Variants in EPHB1 observed in about 807,000 individuals in gnomAD.
EPHB1 encodes the protein ephrin type-B receptor 1.
Under a neutral mutation model 94.4 loss-of-function variants are expected in EPHB1, and 30 were observed. The observed-to-expected ratio is 0.32, with a 90% CI of 0.24 to 0.43. The LOEUF is 0.43. EPHB1 is among the 20% of genes least tolerant of loss of function. EPHB1 has a pLI of 1.00. For missense variants in EPHB1, 1,055 were observed against 1,308.3 expected (o/e 0.81, Z 2.99); for synonymous variants, 522 against 489.1 (o/e 1.07, Z -0.89).
intron 1 of EPHB1, among the ~76,000 whole-genome samples, chr3:134,914,785 A>G (rs1453834112): frequency 3.3e-5 from 5 of 152,114 alleles, no homozygotes; most frequent in African/African-American, 4.8e-5. Flanking sequence ...GGGGGCTTTT[A>G]CCACCCTTAG....
rs1279694846 is a variant in EPHB1, at chr3:135,114,652, G to A, written c.961+8049G>A. Among the ~76,000 whole-genome samples the A allele has an allele frequency of 2.0e-5, 3 of 150,810 alleles. No homozygotes were observed. The Admixed American group carries it at 2.0e-4, about 10-fold the overall frequency. Reference sequence around the variant, plus strand: ...GCAGAAGAATTGCTTGAACCTGGGAGGCAGAGGTTGCAGTGAGCCAAGATC... The same window carrying A: ...GCAGAAGAATTGCTTGAACCTGGGAAGCAGAGGTTGCAGTGAGCCAAGATC... On this transcript the variant is annotated intron_variant, in intron 4 of 15. Transcript: ENST00000398015.
chr3:135,154,166 C>T lies in EPHB1; in HGVS notation c.1312C>T (p.Pro438Ser), dbSNP rs201012406. Residue 438 changes from proline (P) to serine (S), a missense_variant, in exon 6 of 16, where the codon CCC becomes TCC. By Grantham distance (74) the Pro-to-Ser change is moderately conservative. Transcript: ENST00000398015. ...TTNQAAPSTV[P>S]IMHQVSATMR... ...TCTCTCCACAGCCCCCTCCACCGTTCCCATCATGCACCAAGTCAGTGCCAC... is the reference window on the plus strand; with the variant it reads ...TCTCTCCACAGCCCCCTCCACCGTTTCCATCATGCACCAAGTCAGTGCCAC... 2.5e-6 allele frequency: 4 copies of T among 1,613,908 alleles called. No homozygotes were observed. Among genetic ancestry groups the T allele is most frequent in the Non-Finnish European group, 3.4e-6 (4 of 1,179,880 alleles).
At chr3:135,087,745 C>T (rs1938410055) in intron 3 of EPHB1, among the ~76,000 whole-genome samples, 2 of 152,092 alleles carry the variant, frequency 1.3e-5, no homozygotes, top group South Asian at 4.1e-4. Context: ...TCTAGGGAGC[C>T]GACACCCACT....
chr3:135,018,107 C>T (rs1012299156), intron 3 of EPHB1, among the ~76,000 whole-genome samples: 11 of 151,960 alleles, frequency 7.2e-5, no homozygotes, highest in Admixed American at 3.3e-4. Context: ...AAGTCTTTGA[C>T]GTAAAGGGGA....
intron 1 of EPHB1, among the ~76,000 whole-genome samples, chr3:134,870,097 T>C (rs2037467660): frequency 6.6e-6 from 1 of 152,154 alleles, no homozygotes; most frequent in Non-Finnish European, 1.5e-5. Flanking sequence ...TGGGTTTCTT[T>C]TGGATGGCTG....
At chr3:134,831,733 G>A (rs566946969) in intron 1 of EPHB1, among the ~76,000 whole-genome samples, 1 of 152,236 alleles carries the variant, frequency 6.6e-6, no homozygotes, top group Admixed American at 6.5e-5. Context: ...GTAGCTTTTT[G>A]TCCCGTTTTA....
intron 1 of EPHB1, among the ~76,000 whole-genome samples, chr3:134,800,170 G>A (rs1251252333): frequency 6.6e-6 from 1 of 152,014 alleles, no homozygotes; most frequent in African/African-American, 2.4e-5. Flanking sequence ...AAATTACCCA[G>A]TCCACCTGGC....
chr3:134,799,465 A>G (rs2035894251), intron 1 of EPHB1, among the ~76,000 whole-genome samples: 1 of 152,248 alleles, frequency 6.6e-6, no homozygotes, highest in Non-Finnish European at 1.5e-5. Flanking sequence ...AACGATCACC[A>G]TTACTCAGTG....
chr3:134,887,563 A>T (rs1191575332), intron 1 of EPHB1, among the ~76,000 whole-genome samples: 1 of 152,234 alleles, frequency 6.6e-6, no homozygotes, highest in East Asian at 1.9e-4. Context: ...TAGAAAGAAC[A>T]GGAAGTATTT....
intron 1 of EPHB1, among the ~76,000 whole-genome samples, chr3:134,921,580 ATTCCC>A (rs1371111403): frequency 2.6e-5 from 4 of 152,230 alleles, no homozygotes; most frequent in African/African-American, 9.6e-5. Context: ...AACATGTGTT[ATTCCC>A]TTGGTCTTTA....
In EPHB1 at chr3:135,249,364, A is replaced by G. The variant is rs748918076; in HGVS notation, c.2719A>G (p.Ile907Val). Residue 907 changes from isoleucine to valine, a missense_variant, in exon 15 of 16, where the codon ATC becomes GTC. By Grantham distance (29) the Ile-to-Val change is conservative. Transcript: ENST00000398015. ...VPSQPLLDRS[I>V]PDFTAFTTVD... ...TTCCCAGCCCCTGCTCGACCGCTCC[A>G]TCCCAGACTTCACGGCCTTTACCAC... The G allele has an allele frequency of 1.2e-6, 2 of 1,613,636 alleles. No homozygotes were observed. The highest frequency in any genetic ancestry group is 1.1e-5 in the South Asian group (1 of 91,052).
Position 135,166,035 on chromosome 3 carries a change from G to C in EPHB1, c.1653G>C (p.Val551=), listed in dbSNP as rs1248954527. ...CTGGCTCGGCAGCGGCCGGGGTCGTGTTCGTTGTGTCCTTGGTGGCCATCT... is the reference window on the plus strand; with the variant it reads ...CTGGCTCGGCAGCGGCCGGGGTCGTCTTCGTTGTGTCCTTGGTGGCCATCT... ...LIAGSAAAGV[V]FVVSLVAISI... Residue 551 remains valine, a synonymous_variant, in exon 8 of 16, where the codon GTG becomes GTC. Coordinates refer to ENST00000398015, the MANE Select transcript of EPHB1 (RefSeq NM_004441.5). 1 of 1,613,952 alleles carries C rather than the reference G, an allele frequency of 6.2e-7. No homozygotes were observed. Among genetic ancestry groups the C allele is most frequent in the Admixed American group, 1.7e-5 (1 of 60,020 alleles).
chr3:135,073,671 T>C (rs146052164), intron 3 of EPHB1, among the ~76,000 whole-genome samples: 11 of 152,058 alleles, frequency 7.2e-5, no homozygotes, highest in South Asian at 2.1e-4. Context: ...CTTTCTCTCT[T>C]TTTTTTTAAG....
chr3:135,105,021 C>T (rs1394558702), intron 3 of EPHB1, among the ~76,000 whole-genome samples: 2 of 152,208 alleles, frequency 1.3e-5, no homozygotes, highest in African/African-American at 4.8e-5. Context: ...CTCTCCGTGT[C>T]CCAGTTTCCT....
At chr3:135,078,996 C>G (rs1312333283) in intron 3 of EPHB1, among the ~76,000 whole-genome samples, 1 of 152,008 alleles carries the variant, frequency 6.6e-6, no homozygotes, top group Non-Finnish European at 1.5e-5. Context: ...GCACAATGCT[C>G]CAATATCCAG....
At chr3:135,081,057 A>G (rs1938146440) in intron 3 of EPHB1, among the ~76,000 whole-genome samples, 1 of 152,038 alleles carries the variant, frequency 6.6e-6, no homozygotes, top group African/African-American at 2.4e-5. Flanking sequence ...GCAAATCTCC[A>G]TCCTATCTCC....
At chr3:135,077,726 C>T (rs1302120553) in intron 3 of EPHB1, among the ~76,000 whole-genome samples, 4 of 152,128 alleles carry the variant, frequency 2.6e-5, no homozygotes, top group Admixed American at 1.3e-4. Flanking sequence ...GGACTAGAGC[C>T]GACCCATGAA....
At position 135,192,641 on chromosome 3, in the gene EPHB1, A is replaced by G; in HGVS notation, c.1948A>G (p.Ile650Val). The G allele has an allele frequency of 1.9e-6, 3 of 1,614,166 alleles. No individual in the cohort carries two copies. The highest frequency in any genetic ancestry group is 2.5e-6 in the Non-Finnish European group (3 of 1,180,010). The change falls in exon 11 of 16, where the codon ATC (isoleucine) becomes GTC (valine). Residue 650 changes from isoleucine (I) to valine (V), a missense_variant. Transcript: ENST00000398015. Reference protein sequence around the residue: ...LPGKREIYVAIKTLKAGYSEK... With the variant: ...LPGKREIYVAVKTLKAGYSEK... ...AGGCAAGAGGGAAATCTACGTGGCC[A>G]TCAAGACCCTGAAGGCAGGGTACTC...
intron 1 of EPHB1, among the ~76,000 whole-genome samples, chr3:134,872,503 T>C (rs1218688914): frequency 6.6e-6 from 1 of 152,210 alleles, no homozygotes; most frequent in Non-Finnish European, 1.5e-5. Context: ...TCACATGTAG[T>C]GATTAGACAT....
Sources: allele counts gnomAD v4.1 joint callset (sites outside exome capture counted in the v4.1 genomes callset), GRCh38; gene constraint gnomAD v4.1.1; transcripts MANE v1.5; gene names NCBI Gene and HGNC (gene_info 2026-07-23, HGNC 2026-07-21).